The following FAM76A variants were observed in gnomAD, a reference collection of about 807,000 sequenced individuals.
FAM76A encodes family with sequence similarity 76 member A, also known as protein FAM76A.
Under a neutral mutation model 46.2 loss-of-function variants are expected in FAM76A, and 32 were observed. The ratio of observed to expected loss-of-function variants is 0.69; its 90% CI spans 0.52 to 0.93. The LOEUF is 0.93. Among genes scored for constraint, FAM76A ranks in the 40% least tolerant of loss-of-function variants. The probability of loss-of-function intolerance (pLI) is 0.00; values close to 1 mark genes in which losing one functional copy is unlikely to be tolerated. For synonymous variants in FAM76A, 137 were observed against 127.0 expected, an observed-to-expected ratio of 1.08 and a Z score of -0.53; for missense variants, 274 against 361.5, an observed-to-expected ratio of 0.76 and a Z score of 1.96.
chr1:27,744,086 C>G (rs1323551307), intron 4 of FAM76A, among the ~76,000 whole-genome samples: 1 of 152,044 alleles, frequency 6.6e-6, no homozygotes, highest in Non-Finnish European at 1.5e-5. Context: ...AGAAACAAAA[C>G]AAAAATACAT....
intron 1 of FAM76A, 146 bp downstream of exon 1, chr1:27,726,307 G>A: frequency 1.5e-6 from 1 of 675,130 alleles, no homozygotes; most frequent in Non-Finnish European, 2.1e-6. Flanking sequence ...CCCCGCTGGG[G>A]GCCGGCGGGG....
At chr1:27,734,350 A>G (rs544342046) in intron 4 of FAM76A, among the ~76,000 whole-genome samples, 167 bp downstream of exon 4, 11 of 152,220 alleles carry the variant, frequency 7.2e-5, no homozygotes, top group Admixed American at 4.6e-4. Flanking sequence ...GATCAAGACT[A>G]TCGTGGCTAA....
At chr1:27,753,116 G>T (rs1413641347) in intron 6 of FAM76A, among the ~76,000 whole-genome samples, 1 of 152,206 alleles carries the variant, frequency 6.6e-6, no homozygotes, top group Non-Finnish European at 1.5e-5. Context: ...GCTGGAGGTT[G>T]TGGTGAGCCG....
In FAM76A at chr1:27,755,918, A is replaced by T. The variant is rs146484865; in HGVS notation, c.735+588A>T. The stretch of plus-strand genomic sequence containing the variant: ...AACTGAGCTTACAGAGACAATGTAT[A>T]AAAAAACCAGTGTTCACATCTCAGT... On this transcript the variant is annotated intron_variant, in intron 7 of 8. Coordinates refer to ENST00000373954, the MANE Select transcript of FAM76A (RefSeq NM_152660.3). Among the ~76,000 whole-genome samples the T allele has an allele frequency of 3.9e-3, 591 of 152,278 alleles. 19 individuals are homozygous for T. Among genetic ancestry groups the T allele is most frequent in the Admixed American group, 0.034 (524 of 15,264 alleles).
intron 4 of FAM76A, among the ~76,000 whole-genome samples, chr1:27,736,784 T>C (rs2088053170): frequency 1.3e-5 from 2 of 151,870 alleles, no homozygotes; most frequent in Non-Finnish European, 1.5e-5. Context: ...TTTAAATTTT[T>C]GTATTTTTAG....
rs936836123 is a variant in FAM76A, at chr1:27,762,857, C to G, written c.*2276C>G. 6.6e-6 allele frequency: 1 copy of G among 151,664 alleles called. No individual in the cohort carries two copies. Among genetic ancestry groups the G allele is most frequent in the Non-Finnish European group, 1.5e-5 (1 of 67,954 alleles). The allele number at this position is 151,664 out of a possible 1,614,324, so 9.4% of individuals were successfully genotyped here. ...TTTATACTAAATCTTTTTTTAAGGT[C>G]TTGGCATTTAATATAAAGCAAATTC... On this transcript the variant is annotated 3_prime_UTR_variant, in exon 9 of 9. Coordinates refer to ENST00000373954, the MANE Select transcript of FAM76A (RefSeq NM_152660.3).
At position 27,762,626 on chromosome 1, in the gene FAM76A, A is replaced by G. The variant is rs537238223; in HGVS notation, c.*2045A>G. The G allele has an allele frequency of 6.6e-6, 1 of 152,316 alleles. No homozygotes were observed. The highest frequency in any genetic ancestry group is 6.5e-5 in the Admixed American group (1 of 15,298). 9.4% of individuals were successfully genotyped at this position (152,316 alleles called of 1,614,324 possible). A position where few individuals can be genotyped will look rare whatever the true frequency, so the allele number is the denominator to read the frequency against. On this transcript the variant is annotated 3_prime_UTR_variant, in exon 9 of 9. Coordinates refer to ENST00000373954, the MANE Select transcript of FAM76A (RefSeq NM_152660.3). ...GGGATATAATTTTCCCTTCTAAGCA[A>G]GGGAAATGGCAGTGCTAAATAGTTT...
In FAM76A at chr1:27,749,108, C is replaced by A. The variant is rs2088292870; in HGVS notation, c.553C>A (p.Pro185Thr). ...LSTSSIQNEI[P>T]KKKSKFESIT... ...TACATCTTCAATTCAAAATGAAATC[C>A]CAAAGAAAAAGTCCAAGTTTGAGTC... The change falls in exon 6 of 9, where the codon CCA becomes ACA. Residue 185 changes from proline (P) to threonine (T), a missense_variant. Coordinates refer to ENST00000373954, the MANE Select transcript of FAM76A (RefSeq NM_152660.3). The A allele has an allele frequency of 6.2e-7, 1 of 1,606,196 alleles. No homozygotes were observed. Among genetic ancestry groups the A allele is most frequent in the Non-Finnish European group, 8.5e-7 (1 of 1,178,254 alleles).
intron 2 of FAM76A, among the ~76,000 whole-genome samples, chr1:27,728,780 G>A (rs2087905145): frequency 6.6e-6 from 1 of 152,070 alleles, no homozygotes; most frequent in South Asian, 2.1e-4. Context: ...TGGCTAACAT[G>A]ACGAAACCCA....
intron 4 of FAM76A, 40 bp downstream of exon 4, chr1:27,734,223 G>C (rs2088006960): frequency 6.4e-7 from 1 of 1,559,310 alleles, no homozygotes. Flanking sequence ...TTTCCTTTCA[G>C]AGAAATTAAG....
rs1415463947 is a variant in FAM76A, at chr1:27,755,276, C to G, written c.681C>G (p.Thr227=). ...IIAQLKEEVA[T]LKKMLHQKDQ... ...CCCAACTGAAGGAAGAAGTGGCTAC[C>G]CTGAAGAAGATGTTGCATCAAAAGG... Residue 227 remains threonine (T), a synonymous_variant, in exon 7 of 9, where the codon ACC becomes ACG. Coordinates refer to ENST00000373954, the MANE Select transcript of FAM76A (RefSeq NM_152660.3). 1 of 1,614,000 alleles carries G rather than the reference C, an allele frequency of 6.2e-7. No homozygotes were observed. The highest frequency in any genetic ancestry group is 1.3e-5 in the African/African-American group (1 of 74,982).
intron 5 of FAM76A, among the ~76,000 whole-genome samples, chr1:27,747,157 C>T (rs528234824): frequency 6.6e-6 from 1 of 152,226 alleles, no homozygotes; most frequent in African/African-American, 2.4e-5. Context: ...GGATAGAGGC[C>T]AGGAATCTAC....
rs201507534 is a variant in FAM76A at position 27,732,611 on chromosome 1, A to G, written c.155A>G (p.Asn52Ser). The change falls in exon 3 of 9, where the codon AAT becomes AGT. Residue 52 changes from asparagine (N) to serine (S), a missense_variant. Transcript: ENST00000373954. ...TCTTTCTTCCTTAACAGTAAAACCA[A>G]TACAATATGCAAGAAATGTGCTCAG... is the stretch of plus-strand genomic sequence containing the variant. ...RTEYQQESKT[N>S]TICKKCAQNV... is the part of the protein sequence containing the mutation. The G allele has an allele frequency of 1.3e-5, 21 of 1,609,162 alleles. No individual in the cohort carries two copies. Among genetic ancestry groups the G allele is most frequent in the Non-Finnish European group, 1.6e-5 (19 of 1,176,438 alleles).
At chr1:27,727,344 C>G (rs950576214) in intron 1 of FAM76A, 128 bp from the exon 2 acceptor site, 1 of 708,072 alleles carries the variant, frequency 1.4e-6, no homozygotes, top group Non-Finnish European at 2.5e-6. Flanking sequence ...AAAAATAAGG[C>G]CCAGAAAGTT....
chr1:27,732,940 GTTTTT>G (rs896245252), intron 3 of FAM76A, among the ~76,000 whole-genome samples: 1 of 140,600 alleles, frequency 7.1e-6, no homozygotes, highest in African/African-American at 2.6e-5. Flanking sequence ...TTTTGTTTTT[GTTTTT>G]TTTTTTTTGT....
chr1:27,750,755 A>G (rs542440011), intron 6 of FAM76A, among the ~76,000 whole-genome samples: 2 of 152,282 alleles, frequency 1.3e-5, no homozygotes, highest in East Asian at 3.9e-4. Flanking sequence ...CTAAAAACTC[A>G]AGTTTTCTGT....
At chr1:27,736,521 T>C (rs1046783976) in intron 4 of FAM76A, among the ~76,000 whole-genome samples, 3 of 152,190 alleles carry the variant, frequency 2.0e-5, no homozygotes, top group Non-Finnish European at 2.9e-5. Context: ...CGGAATCTGG[T>C]ACATGAAAAA....
chr1:27,732,574 A>G (rs1293695894), intron 2 of FAM76A, 29 bp from the exon 3 acceptor site: 2 of 1,594,132 alleles, frequency 1.3e-6, no homozygotes, highest in Non-Finnish European at 1.7e-6. Flanking sequence ...TATTCTAAGA[A>G]AAGCCTGTGT....
At chr1:27,749,428 C>T (rs566755564) in intron 6 of FAM76A, among the ~76,000 whole-genome samples, 1 of 152,220 alleles carries the variant, frequency 6.6e-6, no homozygotes, top group East Asian at 1.9e-4. Context: ...AGTGCAGTGG[C>T]GCGATTTTGG....
Sources: gnomAD v4.1 joint callset for allele counts (sites outside exome capture counted in the v4.1 genomes callset) on GRCh38, gnomAD v4.1.1 for gene constraint, MANE v1.5 for transcripts, NCBI Gene and HGNC (gene_info 2026-07-23, HGNC 2026-07-21) for gene names.